URGCP: variants seen among roughly 807,000 people sequenced by gnomAD.
The protein encoded by URGCP is up-regulator of cell proliferation.
A neutral mutation model predicts 24.6 loss-of-function variants in URGCP; 13 were observed. That is an observed-to-expected ratio of 0.53 (90% CI 0.34 to 0.84). The LOEUF (loss-of-function observed/expected upper bound fraction) is 0.84. Ranked by LOEUF, URGCP falls within the 40% of genes least tolerant of loss-of-function variation. URGCP has a pLI of 0.01. For missense variants in URGCP, 899 were observed against 1,194.3 expected (o/e 0.75, Z 3.64); for synonymous variants, 444 against 487.2 (o/e 0.91, Z 1.17).
chr7:43,897,703 G>A (rs989839994), intron 1 of URGCP, among the ~76,000 whole-genome samples: 3 of 152,110 alleles, frequency 2.0e-5, no homozygotes, highest in South Asian at 2.1e-4. Context: ...CTATGTTACC[G>A]GCTGCCAGGC....
At chr7:43,911,052 A>G (rs1314323067), upstream of URGCP, among the ~76,000 whole-genome samples, 1 of 152,186 alleles carries the variant, frequency 6.6e-6, no homozygotes, top group Non-Finnish European at 1.5e-5. Context: ...TTTCAATAAT[A>G]GTACAATCAG....
chr7:43,906,768 G>A (rs1444887517), upstream of URGCP: 1 of 274,602 alleles, frequency 3.6e-6, no homozygotes, highest in South Asian at 1.6e-4. Flanking sequence ...GGGCGGGGTG[G>A]GGGCGGGGCG....
At chr7:43,923,923 G>A (rs1225218140) in intron 1 of URGCP, among the ~76,000 whole-genome samples, 1 of 151,978 alleles carries the variant, frequency 6.6e-6, no homozygotes, top group Non-Finnish European at 1.5e-5. Context: ...AGGTTGAAGG[G>A]CAGTGGTGCA....
chr7:43,906,471 G>C lies in URGCP; in HGVS notation c.14+91C>G, dbSNP rs1021085437. 84 of 1,097,906 alleles carry C rather than the reference G, an allele frequency of 7.7e-5. No homozygotes were observed. In the African/African-American group the frequency reaches 1.3e-3, roughly 17 times the overall value. The allele number at this position is 1,097,906 out of a possible 1,614,324, so 68.0% of individuals were successfully genotyped here. The stretch of plus-strand genomic sequence containing the variant: ...CTGGCCGGGTCCGGGCCGCATCCCA[G>C]ACCAGAGCCCGCAGGCCAGAGCCGC... On this transcript the variant is annotated intron_variant, in intron 1 of 5. Coordinates refer to ENST00000453200, the MANE Select transcript of URGCP (RefSeq NM_001077663.3).
At chr7:43,883,117 A>G (rs2095856416) in intron 3 of URGCP, among the ~76,000 whole-genome samples, 1 of 151,968 alleles carries the variant, frequency 6.6e-6, no homozygotes, top group Non-Finnish European at 1.5e-5. Flanking sequence ...CATCTTAATT[A>G]CAAAATGTGT....
At chr7:43,890,940 G>A (rs529222808) in intron 1 of URGCP, among the ~76,000 whole-genome samples, 19 of 152,380 alleles carry the variant, frequency 1.2e-4, no homozygotes, top group African/African-American at 4.6e-4. Context: ...AGACAATGCA[G>A]GGTTAACTTT....
At chr7:43,899,706 C>T (rs1381055331) in intron 1 of URGCP, among the ~76,000 whole-genome samples, 2 of 152,142 alleles carry the variant, frequency 1.3e-5, no homozygotes, top group African/African-American at 4.8e-5. Flanking sequence ...CTTTGAGTAT[C>T]TGGAACTTAT....
rs780354948 is a variant in URGCP, at chr7:43,877,371, C to T, written c.2092G>A (p.Val698Ile). 19 of 1,612,738 alleles carry T rather than the reference C, an allele frequency of 1.2e-5. No homozygotes were observed. The highest frequency in any genetic ancestry group is 3.3e-5 in the Admixed American group (2 of 60,006). Residue 698 changes from valine to isoleucine, a missense_variant, in exon 6 of 6, where the codon GTC becomes ATC. Transcript: ENST00000453200. ...RRSRLVVLST[V>I]GVPGTGKSTL... The stretch of plus-strand genomic sequence containing the variant: ...GACTTGCCCGTGCCTGGCACCCCGA[C>T]GGTTGACAGAACCACCAGCCTTGAC...
At chr7:43,917,647 C>T (rs2095916926) in intron 1 of URGCP, among the ~76,000 whole-genome samples, 1 of 152,146 alleles carries the variant, frequency 6.6e-6, no homozygotes, top group African/African-American at 2.4e-5. Context: ...TTTCCTTTCT[C>T]TGAACACCTG....
In URGCP at chr7:43,879,001, C is replaced by T. The variant is rs549264023; in HGVS notation, c.462G>A (p.Glu154=). 3 of 1,614,198 alleles carry T rather than the reference C, an allele frequency of 1.9e-6. No homozygotes were observed. The highest frequency in any genetic ancestry group is 1.6e-4 in the Middle Eastern group (1 of 6,062). ...PVEKESQMEE[E]IIYWDPADDL... is the part of the protein sequence containing the mutation. ...CATCAGCTGGGTCCCAGTAGATGAT[C>T]TCCTCTTCCATCTGGCTCTCCTTCT... is the stretch of plus-strand genomic sequence containing the variant. The change falls in exon 6 of 6, where the codon GAG becomes GAA. Residue 154 remains glutamate, a synonymous_variant. Transcript: ENST00000453200.
chr7:43,911,807 T>C (rs2095910443), intron 1 of URGCP, among the ~76,000 whole-genome samples: 1 of 152,214 alleles, frequency 6.6e-6, no homozygotes, highest in Non-Finnish European at 1.5e-5. Context: ...GACCATATGT[T>C]AGGTCACAAA....
At position 43,893,245 on chromosome 7, in the gene URGCP, C is replaced by T. The variant is rs2095873605; in HGVS notation, c.15-5429G>A. ...TCAGGAGGCTGAGGTGAGAGGATCA[C>T]CTGAGCCCTGGAAGGTCAAGGCTGC... On this transcript the variant is annotated intron_variant, in intron 1 of 5. Transcript: ENST00000453200. Among the ~76,000 whole-genome samples, 2 of 152,150 alleles carry T rather than the reference C, an allele frequency of 1.3e-5. 1 individual carries two copies. The highest frequency in any genetic ancestry group is 4.1e-4 in the South Asian group (2 of 4,824).
In URGCP at chr7:43,878,077, G is replaced by C. The variant is rs909523715; in HGVS notation, c.1386C>G (p.Val462=). The part of the protein sequence containing the change: ...AHAARKLGLK[V]DEDCEECQKA... ...TCTGACACTCCTCACAGTCCTCGTCGACCTTTAGGCCCAGTTTGCGGGCTG... is the reference window on the plus strand; with the variant it reads ...TCTGACACTCCTCACAGTCCTCGTCCACCTTTAGGCCCAGTTTGCGGGCTG... Residue 462 remains valine, a synonymous_variant, in exon 6 of 6, where the codon GTC becomes GTG. Transcript: ENST00000453200. The surrounding 1 kb of genome is among the most constrained non-coding windows in gnomAD (Gnocchi z 5.6). 2 of 1,614,030 alleles carry C rather than the reference G, an allele frequency of 1.2e-6. No homozygotes were observed. Among genetic ancestry groups the C allele is most frequent in the African/African-American group, 1.3e-5 (1 of 74,912 alleles).
chr7:43,891,764 G>A (rs1256565856), intron 1 of URGCP, among the ~76,000 whole-genome samples: 1 of 151,768 alleles, frequency 6.6e-6, no homozygotes, highest in Non-Finnish European at 1.5e-5. Context: ...TACAGCATGC[G>A]CTACCACACC....
Position 43,887,432 on chromosome 7 carries a change from G to C in URGCP, c.95C>G (p.Thr32Arg). 6.2e-7 allele frequency: 1 copy of C among 1,613,872 alleles called. No individual in the cohort carries two copies. Among genetic ancestry groups the C allele is most frequent in the Non-Finnish European group, 8.5e-7 (1 of 1,179,838 alleles). ...AACTTTACCTGCAATGGCCACAGCT[G>C]TTCGTCTCTCTGATGCTTTTATTTC... is the stretch of plus-strand genomic sequence containing the variant. The part of the protein sequence containing the change: ...APEIKASERR[T>R]AVAIADLEWR... The change falls in exon 3 of 6, where the codon ACA becomes AGA. Residue 32 changes from threonine to arginine, a missense_variant. Coordinates refer to ENST00000453200, the MANE Select transcript of URGCP (RefSeq NM_001077663.3).
Position 43,887,830 on chromosome 7 carries a change from T to TA in URGCP, c.15-15dup. The stretch of plus-strand genomic sequence containing the variant: ...TCCACTTCTATCCTAAGGAAATAAT[T>TA]AAGATTTAGTTACAAAGATGTTGAT... On this transcript the variant is annotated splice_polypyrimidine_tract_variant and intron_variant, in intron 1 of 5. Coordinates refer to ENST00000453200, the MANE Select transcript of URGCP (RefSeq NM_001077663.3). The TA allele has an allele frequency of 6.7e-7, 1 of 1,492,150 alleles. No homozygotes were observed. 92.4% of individuals were successfully genotyped at this position (1,492,150 alleles called of 1,614,324 possible). A position where few individuals can be genotyped will look rare whatever the true frequency, so the allele number is the denominator to read the frequency against.
In URGCP at chr7:43,877,004, T is replaced by C; in HGVS notation, c.2459A>G (p.Gln820Arg). The C allele has an allele frequency of 6.2e-7, 1 of 1,614,256 alleles. No homozygotes were observed. Among genetic ancestry groups the C allele is most frequent in the Non-Finnish European group, 8.5e-7 (1 of 1,180,052 alleles). The change falls in exon 6 of 6, where the codon CAG (glutamine) becomes CGG (arginine). Residue 820 changes from glutamine (Q) to arginine (R), a missense_variant. Coordinates refer to ENST00000453200, the MANE Select transcript of URGCP (RefSeq NM_001077663.3). ...GGGAACAGATACATCATGAAGGTTC[T>C]GGTATACAAACTGGTAGTTGGGCAT... ...GHMPNYQFVY[Q>R]NLHDVSVPGP...
At chr7:43,925,798 C>CATTTTTT (rs1233416191) in intron 1 of URGCP, among the ~76,000 whole-genome samples, 2 of 116,576 alleles carry the variant, frequency 1.7e-5, no homozygotes, top group South Asian at 6.8e-4. Flanking sequence ...CCTCGTCTGG[C>CATTTTTT]TTTTTTTTTT....
At chr7:43,907,861 C>T (rs2095905868), upstream of URGCP, among the ~76,000 whole-genome samples, 1 of 152,180 alleles carries the variant, frequency 6.6e-6, no homozygotes, top group Admixed American at 6.5e-5. Flanking sequence ...CCTCCTTGTC[C>T]TCTTCGGTAA....
Sources: gnomAD v4.1 joint callset for allele counts (sites outside exome capture counted in the v4.1 genomes callset) on GRCh38, gnomAD v4.1.1 for gene constraint, Gnocchi (gnomAD v3.1) non-coding constraint, MANE v1.5 for transcripts, NCBI Gene and HGNC (gene_info 2026-07-23, HGNC 2026-07-21) for gene names.